Variants in KCP observed in about 807,000 individuals in gnomAD.
The protein encoded by KCP is kielin/chordin-like protein.
In KCP, 194 loss-of-function variants were observed where a neutral mutation model predicts 212.7. The ratio of observed to expected loss-of-function variants is 0.91; its 90% CI spans 0.81 to 1.03. KCP has a LOEUF of 1.03. KCP is among the 50% of genes least tolerant of loss of function. The pLI is 0.00. For missense variants in KCP, 2,080 were observed against 2,162.5 expected (o/e 0.96, Z 0.76); for synonymous variants, 833 against 865.3 (o/e 0.96, Z 0.65).
At chr7:128,880,317 C>A in intron 34 of KCP, 69 bp downstream of exon 34, 3 of 1,455,490 alleles carry the variant, frequency 2.1e-6, no homozygotes, top group South Asian at 2.8e-5. Context: ...GATGCCTGGT[C>A]ACACCAGGAT....
chr7:128,906,594 A>G (rs1795130397), intron 4 of KCP, among the ~76,000 whole-genome samples: 1 of 152,104 alleles, frequency 6.6e-6, no homozygotes, highest in South Asian at 2.1e-4. Context: ...AGGTGCCAGC[A>G]CATTCCCCAG....
At chr7:128,910,517 C>T in intron 1 of KCP, 84 bp downstream of exon 1, 1 of 1,262,440 alleles carries the variant, frequency 7.9e-7, no homozygotes, top group African/African-American at 1.6e-5. Flanking sequence ...GAGCCCCCAG[C>T]CCCTCTCGGC....
At chr7:128,910,231 C>G (rs76942241) in intron 1 of KCP, among the ~76,000 whole-genome samples, 2,049 of 152,332 alleles carry the variant, frequency 0.013, 56 homozygotes, top group African/African-American at 0.047. Flanking sequence ...GCCCTCCATT[C>G]CCGCCTGTCC....
Position 128,892,719 on chromosome 7 carries a change from G to A in KCP, c.1496C>T (p.Ala499Val). Residue 499 changes from alanine (A) to valine (V), a missense_variant, in exon 15 of 40, where the codon GCA (alanine) becomes GTA (valine). Ala to Val is a moderately conservative substitution (Grantham distance 64). Transcript: ENST00000610776. ...GTGGCAGGCATGGCAAGGGCTGTCT[G>A]CATCCGTGAAGTTCTGCCCATTGGC... ...VYANGQNFTD[A>V]DSPCHACHCQ... The A allele has an allele frequency of 6.4e-7, 1 of 1,551,674 alleles. No homozygotes were observed. Among genetic ancestry groups the A allele is most frequent in the African/African-American group, 1.4e-5 (1 of 73,168 alleles).
chr7:128,878,666 G>A lies in KCP; in HGVS notation c.4203C>T (p.Gly1401=), dbSNP rs1276272189. The A allele has an allele frequency of 6.4e-7, 1 of 1,551,202 alleles. No individual in the cohort carries two copies. Residue 1401 remains glycine (G), a synonymous_variant, in exon 38 of 40, where the codon GGC becomes GGT. Coordinates refer to ENST00000610776, the MANE Select transcript of KCP (RefSeq NM_001366122.1). ...VEVSVPGSYQ[G]RTCGLCGNFN... is the part of the protein sequence containing the mutation. ...AGTTCCCACAGAGCCCACAAGTCCGGCCCTGGTAGGAGCCAGGTACGCTCA... is the reference window on the plus strand; with the variant it reads ...AGTTCCCACAGAGCCCACAAGTCCGACCCTGGTAGGAGCCAGGTACGCTCA...
chr7:128,887,446 G>T, intron 22 of KCP, 146 bp from the exon 23 acceptor site: 1 of 650,272 alleles, frequency 1.5e-6, no homozygotes, highest in South Asian at 1.7e-5. Context: ...CATATACACA[G>T]CCACACCCAC....
Position 128,887,333 on chromosome 7 carries a change from C to T in KCP, c.2513-33G>A, listed in dbSNP as rs751138768. On this transcript the variant is annotated intron_variant, in intron 22 of 39. Coordinates refer to ENST00000610776, the MANE Select transcript of KCP (RefSeq NM_001366122.1). ...AGCGGGGAGTCCAACAGAAGAGCTG[C>T]CATCAACAGAACCTCCACTGTCACA... 1.0e-5 allele frequency: 15 copies of T among 1,504,154 alleles called. 1 individual carries two copies. In the South Asian group the frequency reaches 1.3e-4, roughly 13 times the overall value. The allele number at this position is 1,504,154 out of a possible 1,614,324, so 93.2% of individuals were successfully genotyped here. A position where few individuals can be genotyped will look rare whatever the true frequency, so the allele number is the denominator to read the frequency against.
At chr7:128,894,324 C>A in intron 8 of KCP, 31 bp from the exon 9 acceptor site, 1 of 1,474,726 alleles carries the variant, frequency 6.8e-7, no homozygotes, top group Non-Finnish European at 9.1e-7. Context: ...GGGAAGGGGC[C>A]GACAGGGCTC....
At chr7:128,903,988 C>A in intron 6 of KCP, 68 bp downstream of exon 6, 1 of 1,442,738 alleles carries the variant, frequency 6.9e-7, no homozygotes, top group Non-Finnish European at 9.5e-7. Context: ...GAGTGGCAGG[C>A]AGGGCCCAGG....
In KCP at chr7:128,893,908, AG is replaced by A. The variant is rs752195335; in HGVS notation, c.1006-10del. 6.4e-7 allele frequency: 1 copy of A among 1,550,994 alleles called. No individual in the cohort carries two copies. The highest frequency in any genetic ancestry group is 1.2e-5 in the South Asian group (1 of 84,050). On this transcript the variant is annotated splice_polypyrimidine_tract_variant and intron_variant, in intron 10 of 39. Coordinates refer to ENST00000610776, the MANE Select transcript of KCP (RefSeq NM_001366122.1). ...CACTGGACACTCCCATTCTGCCAACAGGGCCTGGTCAGCACGCCAGAGGCAG... is the reference window on the plus strand; with the variant it reads ...CACTGGACACTCCCATTCTGCCAACAGGCCTGGTCAGCACGCCAGAGGCAG...
rs560295052 is a variant in KCP at position 128,881,062 on chromosome 7, G to C, written c.3448C>G (p.Arg1150Gly). ...CRECVVEAEG[R>G]RVADGESWRD... ...CAGCTCTCTCCATCTGCCACTCTCC[G>C]GCCCTCGGCCTCCACCACACATTCT... Residue 1150 changes from arginine to glycine, a missense_variant, in exon 32 of 40, where the codon CGG (arginine) becomes GGG (glycine). By Grantham distance (125) the Arg-to-Gly change is moderately radical. Coordinates refer to ENST00000610776, the MANE Select transcript of KCP (RefSeq NM_001366122.1). 1.5e-5 allele frequency: 6 copies of C among 398,890 alleles called. No homozygotes were observed. Among genetic ancestry groups the C allele is most frequent in the East Asian group, 3.6e-5 (1 of 28,078 alleles). The allele number at this position is 398,890 out of a possible 1,614,324, so 24.7% of individuals were successfully genotyped here. A position where few individuals can be genotyped will look rare whatever the true frequency, so the allele number is the denominator to read the frequency against.
At chr7:128,901,846 C>T (rs1291367398) in intron 8 of KCP, among the ~76,000 whole-genome samples, 2 of 152,110 alleles carry the variant, frequency 1.3e-5, no homozygotes, top group African/African-American at 4.8e-5. Flanking sequence ...CCTCAGGTGC[C>T]CCCACCTGGC....
intron 34 of KCP, 35 bp downstream of exon 34, chr7:128,880,351 T>C: frequency 7.4e-5 from 52 of 699,468 alleles, no homozygotes; most frequent in Non-Finnish European, 1.0e-4. Context: ...GCCCCCACCC[T>C]GACCCTCCCC....
chr7:128,888,891 G>A lies in KCP; in HGVS notation c.2484C>T (p.Pro828=). ...EPPGCSHPLI[P]SGHCCPTCQG... is the part of the protein sequence containing the mutation. ...GGCAGGTCGGGCAGCAGTGCCCAGA[G>A]GGGATGAGTGGGTGGCTGCAGCCCG... The change falls in exon 22 of 40, where the codon CCC becomes CCT. Residue 828 remains proline, a synonymous_variant. Transcript: ENST00000610776. 2 of 1,550,366 alleles carry A rather than the reference G, an allele frequency of 1.3e-6. No individual in the cohort carries two copies. The highest frequency in any genetic ancestry group is 1.7e-6 in the Non-Finnish European group (2 of 1,146,826).
intron 5 of KCP, among the ~76,000 whole-genome samples, chr7:128,904,779 T>C (rs1272354508): frequency 6.6e-6 from 1 of 152,246 alleles, no homozygotes; most frequent in Non-Finnish European, 1.5e-5. Context: ...AGGGGCACCA[T>C]TCACGTGACA....
intron 1 of KCP, 23 bp from the exon 2 acceptor site, chr7:128,908,591 G>T (rs1321794168): frequency 6.5e-7 from 1 of 1,545,034 alleles, no homozygotes; most frequent in Admixed American, 2.0e-5. Flanking sequence ...AGAATCCCAT[G>T]TGGGCCTGAG....
chr7:128,910,549 G>A (rs976168518), intron 1 of KCP, 52 bp downstream of exon 1: 66 of 1,466,274 alleles, frequency 4.5e-5, no homozygotes, highest in Non-Finnish European at 5.6e-5. Context: ...GGGCTGATAG[G>A]AGGGAGGGGG....
chr7:128,884,798 C>T lies in KCP; in HGVS notation c.3106G>A (p.Glu1036Lys). ...TCACCTACCTCGCAGATGCACACTTCACAGGGGTCTGCCCCAGGCTGGAAG... is the reference window on the plus strand; with the variant it reads ...TCACCTACCTCGCAGATGCACACTTTACAGGGGTCTGCCCCAGGCTGGAAG... ...ESFQPGADPC[E>K]VCICEPQPEG... The change falls in exon 28 of 40, where the codon GAA (glutamate) becomes AAA (lysine). Residue 1036 changes from glutamate (E) to lysine (K), a missense_variant. Physicochemically the swap from Glu to Lys is moderately conservative, Grantham distance 56 (BLOSUM62 1). Transcript: ENST00000610776. 1 of 1,551,140 alleles carries T rather than the reference C, an allele frequency of 6.4e-7. No homozygotes were observed. The highest frequency in any genetic ancestry group is 8.7e-7 in the Non-Finnish European group (1 of 1,146,976).
At chr7:128,879,437 C>T in intron 37 of KCP, 85 bp downstream of exon 37, 1 of 1,203,098 alleles carries the variant, frequency 8.3e-7, no homozygotes. Flanking sequence ...TAGCTGGCAT[C>T]CCCACCCCCT....
Sources: allele counts gnomAD v4.1 joint callset (sites outside exome capture counted in the v4.1 genomes callset), GRCh38; gene constraint gnomAD v4.1.1; transcripts MANE v1.5; gene names NCBI Gene and HGNC (gene_info 2026-07-23, HGNC 2026-07-21).